The following SPTBN4 variants were observed in gnomAD, a reference collection of about 807,000 sequenced individuals.
The protein encoded by SPTBN4 is spectrin beta, non-erythrocytic 4, also known as spectrin beta chain, non-erythrocytic 4.
Under a neutral mutation model 277.8 loss-of-function variants are expected in SPTBN4, and 96 were observed. The observed-to-expected ratio is 0.35, with a 90% CI of 0.29 to 0.41. The LOEUF (loss-of-function observed/expected upper bound fraction) is 0.41, where lower values mean the gene tolerates loss of function less well. Among genes scored for constraint, SPTBN4 ranks in the 10% least tolerant of loss-of-function variants. The probability of loss-of-function intolerance (pLI) is 1.00; values close to 1 mark genes in which losing one functional copy is unlikely to be tolerated. For missense variants in SPTBN4, 3,006 were observed against 3,595.7 expected, an observed-to-expected ratio of 0.84 and a Z score of 4.19; for synonymous variants, 1,481 against 1,580.3, an observed-to-expected ratio of 0.94 and a Z score of 1.49.
At chr19:40,522,752 T>C (rs1340288443) in intron 16 of SPTBN4, among the ~76,000 whole-genome samples, 2 of 152,160 alleles carry the variant, frequency 1.3e-5, no homozygotes, top group African/African-American at 2.4e-5. Flanking sequence ...TGCCCTCATG[T>C]GGTTGACATT....
At chr19:40,548,181 G>A (rs958280839) in intron 20 of SPTBN4, among the ~76,000 whole-genome samples, 1 of 152,104 alleles carries the variant, frequency 6.6e-6, no homozygotes, top group Admixed American at 6.6e-5. Context: ...AATTACTATA[G>A]CTTTGTATTT....
rs1418649995 is a variant in SPTBN4 at position 40,467,310 on chromosome 19, G to A, written c.-16+5G>A. 1.3e-5 allele frequency: 2 copies of A among 152,324 alleles called. No individual in the cohort carries two copies. Among genetic ancestry groups the A allele is most frequent in the Non-Finnish European group, 2.9e-5 (2 of 67,998 alleles). 9.4% of individuals were successfully genotyped at this position (152,324 alleles called of 1,614,324 possible). On this transcript the variant is annotated splice_donor_5th_base_variant and intron_variant, in intron 1 of 35. Transcript: ENST00000598249. Reference sequence around the variant, plus strand: ...CGCTGGCGGCCGCGGGCCCAGGTGAGCTGCTAGGGGGGCCGACAGCCCCTC... The same window carrying A: ...CGCTGGCGGCCGCGGGCCCAGGTGAACTGCTAGGGGGGCCGACAGCCCCTC...
chr19:40,546,124 C>CGGAG (rs1299256510), intron 20 of SPTBN4, among the ~76,000 whole-genome samples: 1 of 145,228 alleles, frequency 6.9e-6, no homozygotes, highest in Non-Finnish European at 1.5e-5. Flanking sequence ...ACTCGGGAGG[C>CGGAG]GGAGGCAGGA....
At chr19:40,469,509 C>T (rs1051341827) in intron 1 of SPTBN4, among the ~76,000 whole-genome samples, 19 of 151,766 alleles carry the variant, frequency 1.3e-4, no homozygotes, top group Non-Finnish European at 1.8e-4. Context: ...GTGATCCACC[C>T]GCCTCAGACT....
intron 2 of SPTBN4, among the ~76,000 whole-genome samples, chr19:40,479,951 T>A (rs1280256348): frequency 4.0e-5 from 6 of 149,174 alleles, no homozygotes; most frequent in East Asian, 1.9e-4. Flanking sequence ...AAAAAAAAAA[T>A]TAAAAATTAG....
chr19:40,506,521 T>A, intron 13 of SPTBN4, 135 bp downstream of exon 13: 1 of 1,310,114 alleles, frequency 7.6e-7, no homozygotes, highest in Non-Finnish European at 1.0e-6. Flanking sequence ...AGCCTAAGAT[T>A]ACATTCCACT....
At chr19:40,550,090 A>C (rs914553203) in intron 21 of SPTBN4, 148 bp from the exon 22 acceptor site, 46 of 627,980 alleles carry the variant, frequency 7.3e-5, no homozygotes, top group South Asian at 4.3e-4. Context: ...AAAGAAAAAA[A>C]AAAAACAAAA....
intron 32 of SPTBN4, among the ~76,000 whole-genome samples, chr19:40,569,971 CACAGACACACACACACAG>C (rs1568382062): frequency 1.7e-5 from 2 of 118,218 alleles, no homozygotes; most frequent in African/African-American, 3.3e-5. Flanking sequence ...CACACACACA[CACAGACACACACACACAG>C]ACACACACAC....
rs775568513 is a variant in SPTBN4, at chr19:40,568,007, G to C, written c.6681G>C (p.Val2227=). The change falls in exon 31 of 36, where the codon GTG becomes GTC. Residue 2227 remains valine (V), a synonymous_variant. Transcript: ENST00000598249. The stretch of plus-strand genomic sequence containing the variant: ...CGACCCCCGCGGCGGCGGAGCAGGT[G>C]CGGCCACGACCGGAGCGCCAGGAGT... ...TPATPAAAEQ[V]RPRPERQESA... 1.2e-4 allele frequency: 182 copies of C among 1,529,096 alleles called. No individual in the cohort carries two copies. The highest frequency in any genetic ancestry group is 1.5e-4 in the Non-Finnish European group (175 of 1,140,578). 94.7% of individuals were successfully genotyped at this position (1,529,096 alleles called of 1,614,324 possible). A position where few individuals can be genotyped will look rare whatever the true frequency, so the allele number is the denominator to read the frequency against.
intron 2 of SPTBN4, among the ~76,000 whole-genome samples, chr19:40,479,698 ATATATT>A (rs143857222): frequency 6.8e-6 from 1 of 146,290 alleles, no homozygotes; most frequent in African/African-American, 2.5e-5. Flanking sequence ...ATATATATAT[ATATATT>A]TAACTTTTTA....
At chr19:40,575,337 C>G in intron 35 of SPTBN4, 74 bp from the exon 36 acceptor site, 1 of 1,509,602 alleles carries the variant, frequency 6.6e-7, no homozygotes, top group South Asian at 1.2e-5. Context: ...AGAGGGTAGT[C>G]TGATCTGAAA....
rs771660517 is a variant in SPTBN4, at chr19:40,554,618, G to T, written c.5056G>T (p.Ala1686Ser). Reference sequence around the variant, plus strand: ...CGCGCAGCTGTCGCGCCAGTGCCGGGCGCTGCTGGAGATGGGGCACCCGGA... The same window carrying T: ...CGCGCAGCTGTCGCGCCAGTGCCGGTCGCTGCTGGAGATGGGGCACCCGGA... ...SIAQLSRQCRALLEMGHPDSE... is the reference protein window; with the variant it reads ...SIAQLSRQCRSLLEMGHPDSE... Residue 1686 changes from alanine (A) to serine (S), a missense_variant, in exon 24 of 36, where the codon GCG (alanine) becomes TCG (serine). Physicochemically the swap from Ala to Ser is moderately conservative, Grantham distance 99. Around this residue, in one of 5 missense-constraint regions of SPTBN4, gnomAD observed 425 missense variants for 594.7 expected, o/e 0.71. Coordinates refer to ENST00000598249, the MANE Select transcript of SPTBN4 (RefSeq NM_020971.3). The surrounding 1 kb of genome is among the most constrained non-coding windows in gnomAD (Gnocchi z 5.7). 6.3e-7 allele frequency: 1 copy of T among 1,578,658 alleles called. No individual in the cohort carries two copies. The highest frequency in any genetic ancestry group is 8.6e-7 in the Non-Finnish European group (1 of 1,162,064).
At chr19:40,548,808 T>C (rs905300560) in intron 20 of SPTBN4, among the ~76,000 whole-genome samples, 5 of 152,196 alleles carry the variant, frequency 3.3e-5, no homozygotes, top group African/African-American at 1.2e-4. Context: ...TTAACTTCTC[T>C]TGGCCTTGGT....
intron 27 of SPTBN4, among the ~76,000 whole-genome samples, chr19:40,563,541 A>G (rs2081063660): frequency 6.6e-6 from 1 of 151,910 alleles, no homozygotes; most frequent in Non-Finnish European, 1.5e-5. Context: ...TTAACCTGAC[A>G]TACCCAAAGT....
At position 40,560,592 on chromosome 19, in the gene SPTBN4, G is replaced by A; in HGVS notation, c.5915+189G>A. The A allele has an allele frequency of 6.9e-7, 1 of 1,457,128 alleles. No individual in the cohort carries two copies. Among genetic ancestry groups the A allele is most frequent in the Non-Finnish European group, 9.0e-7 (1 of 1,108,818 alleles). 90.3% of individuals were successfully genotyped at this position (1,457,128 alleles called of 1,614,324 possible). A position where few individuals can be genotyped will look rare whatever the true frequency, so the allele number is the denominator to read the frequency against. ...CCCCTTTTTTAGGCCTGTCATTGGG[G>A]ACTTCGGTCATGGGGCATCCTTCTG... On this transcript the variant is annotated intron_variant, in intron 27 of 35. Coordinates refer to ENST00000598249, the MANE Select transcript of SPTBN4 (RefSeq NM_020971.3). This position sits in a 1 kb window ranked among gnomAD's most constrained non-coding sequence, Gnocchi z 5.2.
intron 1 of SPTBN4, among the ~76,000 whole-genome samples, chr19:40,470,750 A>C (rs2079875383): frequency 6.6e-6 from 1 of 151,682 alleles, no homozygotes; most frequent in Non-Finnish European, 1.5e-5. Context: ...CTCCTCCCTC[A>C]GCCTCCTGAG....
intron 20 of SPTBN4, among the ~76,000 whole-genome samples, chr19:40,536,544 G>A (rs1465410752): frequency 6.6e-6 from 1 of 152,140 alleles, no homozygotes; most frequent in African/African-American, 2.4e-5. Flanking sequence ...TAGAATAGCA[G>A]TTCTCAAATG....
chr19:40,499,991 C>T (rs1301058364), intron 7 of SPTBN4, among the ~76,000 whole-genome samples: 2 of 148,184 alleles, frequency 1.3e-5, no homozygotes, highest in Admixed American at 6.8e-5. Flanking sequence ...GCCTGTAATC[C>T]CAGCACTTTG....
At chr19:40,572,492 A>G in intron 35 of SPTBN4, 112 bp downstream of exon 35, 1 of 1,361,728 alleles carries the variant, frequency 7.3e-7, no homozygotes, top group Non-Finnish European at 1.0e-6. Flanking sequence ...GGCCAGAGTT[A>G]TCAGGGCTGT....
Sources: gnomAD v4.1 joint callset for allele counts (sites outside exome capture counted in the v4.1 genomes callset) on GRCh38, gnomAD v4.1.1 for gene constraint, gnomAD v4.1.1 regional missense constraint, Gnocchi (gnomAD v3.1) non-coding constraint, MANE v1.5 for transcripts, NCBI Gene and HGNC (gene_info 2026-07-23, HGNC 2026-07-21) for gene names.